HDAC9: variants seen among roughly 807,000 people sequenced by gnomAD.
HDAC9 encodes histone deacetylase 9.
Under a neutral mutation model 139.4 loss-of-function variants are expected in HDAC9, and 41 were observed. The ratio of observed to expected loss-of-function variants is 0.29; its 90% CI spans 0.23 to 0.38. The LOEUF is 0.38. Among genes scored for constraint, HDAC9 ranks in the 10% least tolerant of loss-of-function variants. The probability of loss-of-function intolerance (pLI) is 1.00; values close to 1 mark genes in which losing one functional copy is unlikely to be tolerated. For missense variants in HDAC9, 1,147 were observed against 1,297.0 expected (o/e 0.88, Z 1.78); for synonymous variants, 517 against 476.2 (o/e 1.09, Z -1.12).
intron 14 of HDAC9, among the ~76,000 whole-genome samples, chr7:18,760,336 G>A (rs904310192): frequency 6.6e-6 from 1 of 152,046 alleles, no homozygotes; most frequent in African/African-American, 2.4e-5. Context: ...ATTTTCTCAT[G>A]CTTATTTAGT....
intron 2 of HDAC9, among the ~76,000 whole-genome samples, chr7:18,575,637 A>G (rs1825739067): frequency 6.6e-6 from 1 of 152,250 alleles, no homozygotes; most frequent in Non-Finnish European, 1.5e-5. Context: ...ATTGTTTTCA[A>G]ATACTTACGC....
In HDAC9 at chr7:19,002,362, A is replaced by G. The variant is rs907134800; in HGVS notation, c.*6300A>G. The G allele has an allele frequency of 1.3e-5, 2 of 152,062 alleles. No individual in the cohort carries two copies. The highest frequency in any genetic ancestry group is 3.8e-4 in the East Asian group (2 of 5,198). The allele number at this position is 152,062 out of a possible 1,614,324, so 9.4% of individuals were successfully genotyped here. On this transcript the variant is annotated 3_prime_UTR_variant, in exon 26 of 26. Coordinates refer to ENST00000686413, the MANE Select transcript of HDAC9 (RefSeq NM_178425.4). ...TAACCCCTTTTGTTTTGTGTTTTCT[A>G]CTGAATTAGATTTTCCTCTAGTCCT...
chr7:18,263,234 G>A (rs302188), intron 2 of HDAC9, among the ~76,000 whole-genome samples: 117,040 of 151,546 alleles, frequency 0.77, 45,317 homozygotes, highest in South Asian at 0.86. Context: ...TATGTTGTGT[G>A]TCAGACCCAA....
chr7:18,255,809 G>A (rs1263620676), intron 2 of HDAC9, among the ~76,000 whole-genome samples: 4 of 151,432 alleles, frequency 2.6e-5, no homozygotes, highest in Admixed American at 2.6e-4. Flanking sequence ...TTGTATTTTG[G>A]GTAGAGACGG....
chr7:18,974,624 G>A (rs565224072), intron 24 of HDAC9, among the ~76,000 whole-genome samples: 14 of 152,300 alleles, frequency 9.2e-5, no homozygotes, highest in African/African-American at 2.9e-4. Context: ...AATAGTAATG[G>A]ACACCTATGT....
chr7:18,618,069 A>G (rs1219271389), intron 6 of HDAC9, among the ~76,000 whole-genome samples: 4 of 152,150 alleles, frequency 2.6e-5, no homozygotes, highest in Non-Finnish European at 5.9e-5. Flanking sequence ...TGATTTTGCA[A>G]TTTAATGGGA....
chr7:18,315,349 A>T (rs961495960), intron 1 of HDAC9, among the ~76,000 whole-genome samples: 1 of 152,144 alleles, frequency 6.6e-6, no homozygotes, highest in African/African-American at 2.4e-5. Flanking sequence ...TAGAATATAT[A>T]AAGGAACTGA....
chr7:18,333,866 T>C (rs1258206376), intron 1 of HDAC9, among the ~76,000 whole-genome samples: 1 of 151,146 alleles, frequency 6.6e-6, no homozygotes, highest in African/African-American at 2.4e-5. Context: ...TGTCTGAAAA[T>C]ATAGCTAAAA....
At chr7:18,408,511 A>G (rs1352742189) in intron 1 of HDAC9, among the ~76,000 whole-genome samples, 1 of 152,228 alleles carries the variant, frequency 6.6e-6, no homozygotes, top group East Asian at 1.9e-4. Context: ...GAAAAGGAAA[A>G]TAGCTCTTCC....
chr7:18,631,365 C>CGCA (rs763909302), intron 7 of HDAC9, among the ~76,000 whole-genome samples: 1 of 151,958 alleles, frequency 6.6e-6, no homozygotes, highest in Non-Finnish European at 1.5e-5. Flanking sequence ...ACTGGTATAC[C>CGCA]GCACTTACTC....
chr7:18,803,738 T>G (rs1793486792), intron 17 of HDAC9, among the ~76,000 whole-genome samples: 1 of 152,186 alleles, frequency 6.6e-6, no homozygotes. Context: ...TGTGTCTTGC[T>G]TGCCATGTAT....
At chr7:18,916,332 G>C (rs1803205907) in intron 22 of HDAC9, among the ~76,000 whole-genome samples, 1 of 151,934 alleles carries the variant, frequency 6.6e-6, no homozygotes. Flanking sequence ...AAATGCAAGG[G>C]GACTTTGATA....
Position 18,666,247 on chromosome 7 carries a change from C to T in HDAC9, c.1502C>T (p.Pro501Leu), listed in dbSNP as rs1450577870. The change falls in exon 12 of 26, where the codon CCA becomes CTA. Residue 501 changes from proline (P) to leucine (L), a missense_variant. Pro to Leu is a moderately conservative substitution (Grantham distance 98). This residue lies in a region of HDAC9 where 256 missense variants were observed against 219.2 expected (regional missense o/e 1.17). Transcript: ENST00000686413. ...AAATCTATTGAACAACTGAAGCAAC[C>T]AGGCAGTCACCTTGAGGAAGCAGAG... ...LSKSIEQLKQ[P>L]GSHLEEAEEE... is the part of the protein sequence containing the mutation. The T allele has an allele frequency of 1.2e-6, 2 of 1,613,064 alleles. No homozygotes were observed. Among genetic ancestry groups the T allele is most frequent in the Non-Finnish European group, 1.7e-6 (2 of 1,179,356 alleles).
At chr7:18,736,951 C>T (rs212674) in intron 13 of HDAC9, among the ~76,000 whole-genome samples, 1 of 151,836 alleles carries the variant, frequency 6.6e-6, no homozygotes, top group Non-Finnish European at 1.5e-5. Context: ...CTTCTTCCGG[C>T]TTTAGTCTTG....
chr7:18,741,570 AATGAGAT>A (rs1343295040), intron 13 of HDAC9, among the ~76,000 whole-genome samples: 1 of 152,244 alleles, frequency 6.6e-6, no homozygotes, highest in Non-Finnish European at 1.5e-5. Flanking sequence ...GGACATGTGC[AATGAGAT>A]TAAGTTTTCA....
At chr7:18,537,126 A>T (rs1334022014) in intron 2 of HDAC9, among the ~76,000 whole-genome samples, 2 of 152,210 alleles carry the variant, frequency 1.3e-5, no homozygotes, top group African/African-American at 4.8e-5. Flanking sequence ...TTTTAAGTGT[A>T]TCCTGAATAA....
At chr7:18,217,527 G>C (rs1330209007) in intron 2 of HDAC9, among the ~76,000 whole-genome samples, 1 of 151,698 alleles carries the variant, frequency 6.6e-6, no homozygotes, top group Non-Finnish European at 1.5e-5. Context: ...GGACCTTTTT[G>C]GGTACTTTTA....
intron 13 of HDAC9, among the ~76,000 whole-genome samples, chr7:18,745,812 C>G (rs1584961707): frequency 3.3e-5 from 5 of 150,898 alleles, no homozygotes; most frequent in Admixed American, 3.3e-4. Flanking sequence ...TCCCAAAGTG[C>G]TGGGATTACA....
chr7:18,129,273 A>C (rs954060404), intron 1 of HDAC9, among the ~76,000 whole-genome samples: 2 of 152,098 alleles, frequency 1.3e-5, no homozygotes, highest in African/African-American at 4.8e-5. Flanking sequence ...ATACCATGGA[A>C]ATTATTTTTT....
Sources: allele counts gnomAD v4.1 joint callset (sites outside exome capture counted in the v4.1 genomes callset), GRCh38; gene constraint gnomAD v4.1.1; regional missense constraint gnomAD v4.1.1; transcripts MANE v1.5; gene names NCBI Gene and HGNC (gene_info 2026-07-23, HGNC 2026-07-21).